The following SOX5 variants were observed in gnomAD, a reference collection of about 807,000 sequenced individuals.
The protein encoded by SOX5 is SRY-box transcription factor 5.
Under a neutral mutation model 92.0 loss-of-function variants are expected in SOX5, and 9 were observed. The ratio of observed to expected loss-of-function variants is 0.10; its 90% CI spans 0.06 to 0.17. The LOEUF (loss-of-function observed/expected upper bound fraction) is 0.17. SOX5 is among the 10% of genes least tolerant of loss of function. SOX5 has a pLI of 1.00. For synonymous variants in SOX5, 344 were observed against 336.3 expected, an observed-to-expected ratio of 1.02 and a Z score of -0.25; for missense variants, 642 against 944.5, an observed-to-expected ratio of 0.68 and a Z score of 4.20.
rs533249116 is a variant in SOX5 at position 24,061,334 on chromosome 12, T to C, written c.-2+152009A>G. Among the ~76,000 whole-genome samples the C allele has an allele frequency of 3.3e-5, 5 of 152,228 alleles. No individual in the cohort carries two copies. The East Asian group carries it at 9.7e-4, about 29-fold the overall frequency. ...GCCTCCCTTTCTTCCAAGCTAATCTTAGCAGTCCCAATTAGCTTCTCTGGG... is the reference window on the plus strand; with the variant it reads ...GCCTCCCTTTCTTCCAAGCTAATCTCAGCAGTCCCAATTAGCTTCTCTGGG... On this transcript the variant is annotated intron_variant, in intron 4 of 4. Transcript: ENST00000446891.
intron 9 of SOX5, among the ~76,000 whole-genome samples, chr12:23,600,548 TATATAC>T (rs1317286727): frequency 4.0e-4 from 50 of 126,236 alleles, no homozygotes; most frequent in African/African-American, 1.5e-3. Context: ...TATATATATA[TATATAC>T]ACATACTTGG....
rs574002879 is a variant in SOX5, at chr12:24,101,844, C to A, written c.-2+111499G>T. ...CAAGAAACATGATGTGGAGGATAGA[C>A]CCATACCAATAAAAATCTCATCATT... On this transcript the variant is annotated intron_variant, in intron 4 of 4. Coordinates refer to the SOX5 transcript ENST00000446891. Among the ~76,000 whole-genome samples the A allele has an allele frequency of 2.7e-4, 41 of 152,190 alleles. No homozygotes were observed. In the South Asian group the frequency reaches 8.1e-3, roughly 30 times the overall value.
chr12:23,948,256 G>C (rs1251156169), intron 1 of SOX5, among the ~76,000 whole-genome samples: 1 of 151,174 alleles, frequency 6.6e-6, no homozygotes, highest in East Asian at 1.9e-4. Context: ...AAAGAAAGAT[G>C]ACAGCACCGA....
At chr12:23,797,714 G>T (rs2095590051) in intron 3 of SOX5, among the ~76,000 whole-genome samples, 1 of 152,154 alleles carries the variant, frequency 6.6e-6, no homozygotes, top group African/African-American at 2.4e-5. Flanking sequence ...ATGCTGGGCT[G>T]TAAAGACATT....
rs780950045 is a variant in SOX5, at chr12:23,536,584, C to T, written c.1857G>A (p.Lys619=). 14 of 1,614,132 alleles carry T rather than the reference C, an allele frequency of 8.7e-6. No homozygotes were observed. The highest frequency in any genetic ancestry group is 1.6e-4 in the Middle Eastern group (1 of 6,062). ...TGGGCTTGTACTTATAGTCAGGGTA[C>T]TTCTCCAGGTGCTGCTTGCTGAGAC... is the stretch of plus-strand genomic sequence containing the variant. ...QARLSKQHLE[K]YPDYKYKPRP... is the part of the protein sequence containing the mutation. Residue 619 remains lysine, a synonymous_variant, in exon 14 of 15, where the codon AAG becomes AAA. Transcript: ENST00000451604.
rs551598629 is a variant in SOX5, at chr12:23,812,291, C to T, written c.481+33692G>A. Among the ~76,000 whole-genome samples, 151 of 152,100 alleles carry T rather than the reference C, an allele frequency of 9.9e-4. 1 individual carries two copies. Among genetic ancestry groups the T allele is most frequent in the Non-Finnish European group, 1.3e-3 (91 of 67,948 alleles). ...TATCAAACAAGCTGCAACAAAGAAA[C>T]TCATGGTCAAATAATGACCATCATA... On this transcript the variant is annotated intron_variant, in intron 3 of 14. Transcript: ENST00000451604.
chr12:24,514,835 A>C (rs1949637254), intron 1 of SOX5, among the ~76,000 whole-genome samples: 1 of 152,172 alleles, frequency 6.6e-6, no homozygotes, highest in Non-Finnish European at 1.5e-5. Flanking sequence ...TCTCACTCAT[A>C]AGTGGAAGCT....
At chr12:23,585,391 G>T (rs983392287) in intron 9 of SOX5, among the ~76,000 whole-genome samples, 2 of 152,148 alleles carry the variant, frequency 1.3e-5, no homozygotes, top group Non-Finnish European at 2.9e-5. Context: ...TTAGCCACAG[G>T]CTTCCTCCTA....
chr12:23,934,572 T>G (rs1054199106), intron 1 of SOX5, among the ~76,000 whole-genome samples: 1 of 150,822 alleles, frequency 6.6e-6, no homozygotes, highest in Admixed American at 6.7e-5. Context: ...ATAGTTCTGA[T>G]AAATCCTGTA....
chr12:23,699,700 T>C (rs1161426141), intron 6 of SOX5, among the ~76,000 whole-genome samples: 1 of 152,132 alleles, frequency 6.6e-6, no homozygotes, highest in Non-Finnish European at 1.5e-5. Context: ...TAATTTTGAG[T>C]ATATGTTTCC....
chr12:24,211,452 T>C (rs969972784), intron 4 of SOX5, among the ~76,000 whole-genome samples: 7 of 152,348 alleles, frequency 4.6e-5, no homozygotes, highest in Non-Finnish European at 8.8e-5. Flanking sequence ...TTCATCTAGC[T>C]AAACAGAAAA....
chr12:24,352,572 A>C (rs907528887), intron 2 of SOX5, among the ~76,000 whole-genome samples: 3 of 152,078 alleles, frequency 2.0e-5, no homozygotes, highest in African/African-American at 7.2e-5. Context: ...TTTCTAGTTG[A>C]CTTCTCTTTT....
intron 4 of SOX5, among the ~76,000 whole-genome samples, chr12:24,054,250 C>T (rs1957879319): frequency 6.6e-6 from 1 of 152,002 alleles, no homozygotes; most frequent in Admixed American, 6.6e-5. Flanking sequence ...GAGTTATGTC[C>T]CTTCTCCTCC....
At chr12:23,910,016 T>C (rs1411046323) in intron 1 of SOX5, among the ~76,000 whole-genome samples, 3 of 152,062 alleles carry the variant, frequency 2.0e-5, no homozygotes, top group Admixed American at 2.0e-4. Context: ...AAAATACTGG[T>C]TTCCTCTCCA....
At chr12:23,768,280 C>CT (rs1187932771) in intron 3 of SOX5, among the ~76,000 whole-genome samples, 1 of 151,992 alleles carries the variant, frequency 6.6e-6, no homozygotes, top group Non-Finnish European at 1.5e-5. Context: ...TGGAAATGGT[C>CT]TTTTTTAAAG....
rs112647260 is a variant in SOX5, at chr12:23,698,166, GT to G, written c.811-32603del. On this transcript the variant is annotated intron_variant, in intron 6 of 14. Transcript: ENST00000451604. ...ACAATTTACTTTCTCTGTATAGATG[GT>G]TTTTTTAATCTCTGGCAGCTTTTAA... Among the ~76,000 whole-genome samples, 1,319 of 152,080 alleles carry G rather than the reference GT, an allele frequency of 8.7e-3. 21 individuals carry two copies. The highest frequency in any genetic ancestry group is 0.03 in the African/African-American group (1,259 of 41,502).
intron 2 of SOX5, among the ~76,000 whole-genome samples, chr12:24,355,282 C>CAATTTTTTTTTTTTTTTT (rs1221012836): frequency 5.6e-5 from 4 of 71,932 alleles, no homozygotes; most frequent in African/African-American, 1.5e-4. Flanking sequence ...AGGGGTGCAT[C>CAATTTTTTTTTTTTTTTT]TTTTTTTTTT....
intron 2 of SOX5, among the ~76,000 whole-genome samples, chr12:24,327,385 CTTTTTTTTTTTTTTTTTTTTTTTTTTT>C (rs71063311): frequency 0.014 from 779 of 56,662 alleles, 15 homozygotes; most frequent in African/African-American, 0.036. Flanking sequence ...GCAATGGAGA[CTTTTTTTTTTTTTTTTTTTTTTTTTTT>C]TTTTTTTTTT....
chr12:24,308,168 G>A lies in SOX5; in HGVS notation c.-173-30856C>T, dbSNP rs557850585. Among the ~76,000 whole-genome samples, 4 of 152,292 alleles carry A rather than the reference G, an allele frequency of 2.6e-5. No individual in the cohort carries two copies. In the South Asian group the frequency reaches 6.2e-4, roughly 24 times the overall value. ...CCTTCTAGGGACATTCTGCTGGTAA[G>A]GGGAGAATGCCTCAAGTGAGCATGC... is the stretch of plus-strand genomic sequence containing the variant. On this transcript the variant is annotated intron_variant, in intron 2 of 4. Coordinates refer to the SOX5 transcript ENST00000446891.
Sources: gnomAD v4.1 joint callset for allele counts (sites outside exome capture counted in the v4.1 genomes callset) on GRCh38, gnomAD v4.1.1 for gene constraint, MANE v1.5 for transcripts, NCBI Gene and HGNC (gene_info 2026-07-23, HGNC 2026-07-21) for gene names.